ANKRD36: variants seen among roughly 807,000 people sequenced by gnomAD.
ANKRD36 encodes ankyrin repeat domain 36.
A neutral mutation model predicts 278.1 loss-of-function variants in ANKRD36; 179 were observed. The ratio of observed to expected loss-of-function variants is 0.64; its 90% CI spans 0.57 to 0.73. The LOEUF is 0.73. Ranked by LOEUF, ANKRD36 falls within the 30% of genes least tolerant of loss-of-function variation. ANKRD36 has a pLI of 0.00. For missense variants in ANKRD36, 1,159 were observed against 1,956.7 expected (o/e 0.59, Z 7.69); for synonymous variants, 320 against 641.1 (o/e 0.50, Z 7.57).
chr2:97,191,282 A>G, intron 36 of ANKRD36, 101 bp downstream of exon 36: 11 of 1,281,620 alleles, frequency 8.6e-6, no homozygotes, highest in South Asian at 4.5e-5. Flanking sequence ...GCTGCACATT[A>G]TCATTCAGCT....
chr2:97,158,055 A>G (rs1379015356), intron 15 of ANKRD36, 52 bp from the exon 16 acceptor site: 1 of 1,341,844 alleles, frequency 7.5e-7, no homozygotes, highest in African/African-American at 1.5e-5. Context: ...GGTGGCAATT[A>G]TCATTATTTT....
rs2055614165 is a variant in ANKRD36 at position 97,179,859 on chromosome 2, A to G, written c.1663-2A>G. On this transcript the variant is annotated splice_acceptor_variant, in intron 23 of 75. Transcript: ENST00000420699. LOFTEE classifies it high-confidence loss of function. Reference sequence around the variant, plus strand: ...GATTATTTTGCTTCAAATCCCATTCAGGCTACAAGTGACGACAAAGATTCT... The same window carrying G: ...GATTATTTTGCTTCAAATCCCATTCGGGCTACAAGTGACGACAAAGATTCT... The G allele has an allele frequency of 3.1e-6, 5 of 1,604,656 alleles. No individual in the cohort carries two copies. Among genetic ancestry groups the G allele is most frequent in the South Asian group, 2.2e-5 (2 of 90,852 alleles).
rs2043821592 is a variant in ANKRD36, at chr2:97,144,753, A to G, written c.1003+41A>G. 2.0e-6 allele frequency: 3 copies of G among 1,537,278 alleles called. No homozygotes were observed. In the African/African-American group the frequency reaches 4.1e-5, roughly 21 times the overall value. The stretch of plus-strand genomic sequence containing the variant: ...ACATTTAATGCCATGTACAGTCAAG[A>G]TAGAGAACTTCCCTTCCCCAAATAA... On this transcript the variant is annotated intron_variant, in intron 10 of 75. Coordinates refer to ENST00000420699, the MANE Select transcript of ANKRD36 (RefSeq NM_001354587.1).
chr2:97,182,183 A>G (rs1297978555), intron 26 of ANKRD36, among the ~76,000 whole-genome samples: 1 of 151,318 alleles, frequency 6.6e-6, no homozygotes, highest in Non-Finnish European at 1.5e-5. Context: ...ACCCATAAAC[A>G]CTGTAGAACG....
intron 6 of ANKRD36, among the ~76,000 whole-genome samples, chr2:97,133,238 G>A (rs1193689128): frequency 3.3e-5 from 5 of 151,612 alleles, no homozygotes; most frequent in South Asian, 2.1e-4. Flanking sequence ...ATTTGATAGT[G>A]AATAACATGG....
At chr2:97,156,827 AG>A (rs2047584311) in intron 15 of ANKRD36, among the ~76,000 whole-genome samples, 4 of 137,546 alleles carry the variant, frequency 2.9e-5, no homozygotes, top group Non-Finnish European at 6.7e-5. Context: ...ACTAGTTTAC[AG>A]TCCCACCAAC....
At chr2:97,144,010 C>A (rs1298551378) in intron 8 of ANKRD36, among the ~76,000 whole-genome samples, 1 of 152,084 alleles carries the variant, frequency 6.6e-6, no homozygotes, top group African/African-American at 2.4e-5. Flanking sequence ...AACACTTCCA[C>A]AGAGCACTTG....
chr2:97,116,315 G>A (rs1489520176), intron 1 of ANKRD36, among the ~76,000 whole-genome samples: 1 of 151,976 alleles, frequency 6.6e-6, no homozygotes, highest in Non-Finnish European at 1.5e-5. Flanking sequence ...TCACCCTGTT[G>A]CCCAGCCTGG....
chr2:97,202,260 G>C, intron 47 of ANKRD36, 30 bp downstream of exon 47: 2 of 1,598,124 alleles, frequency 1.3e-6, no homozygotes, highest in Non-Finnish European at 1.7e-6. Context: ...TCTTGTGAAC[G>C]AGTTAATGTA....
chr2:97,197,134 C>A (rs146390062), intron 42 of ANKRD36, among the ~76,000 whole-genome samples: 7 of 151,828 alleles, frequency 4.6e-5, no homozygotes, highest in East Asian at 1.9e-4. Flanking sequence ...TTTTACAGAC[C>A]TCACATCATA....
At chr2:97,146,747 C>T (rs2044361935) in intron 11 of ANKRD36, among the ~76,000 whole-genome samples, 1 of 151,720 alleles carries the variant, frequency 6.6e-6, no homozygotes, top group Non-Finnish European at 1.5e-5. Context: ...CATGATTCCA[C>T]AGTTAACAGG....
At chr2:97,205,468 A>G (rs1392594922) in intron 50 of ANKRD36, among the ~76,000 whole-genome samples, 3 of 151,402 alleles carry the variant, frequency 2.0e-5, no homozygotes, top group Non-Finnish European at 3.0e-5. Flanking sequence ...CAACTGAAGC[A>G]TCATCGCAGT....
chr2:97,222,700 G>A (rs1034726090), intron 66 of ANKRD36, among the ~76,000 whole-genome samples: 8 of 152,098 alleles, frequency 5.3e-5, no homozygotes, highest in Non-Finnish European at 1.2e-4. Context: ...CACAAATTTA[G>A]GAAATAGAAA....
intron 11 of ANKRD36, 90 bp downstream of exon 11, chr2:97,146,606 C>G (rs959773631): frequency 1.8e-5 from 21 of 1,195,156 alleles, no homozygotes; most frequent in Non-Finnish European, 2.1e-5. Flanking sequence ...CTCCTCTGTG[C>G]TAGACACCAT....
chr2:97,148,327 ACT>A, intron 11 of ANKRD36, among the ~76,000 whole-genome samples: 1 of 152,312 alleles, frequency 6.6e-6, no homozygotes, highest in Non-Finnish European at 1.5e-5. Context: ...GAGAGCTCCT[ACT>A]CTCAATTATG....
At chr2:97,198,298 C>T (rs2060365800) in intron 42 of ANKRD36, among the ~76,000 whole-genome samples, 165 bp from the exon 43 acceptor site, 1 of 151,942 alleles carries the variant, frequency 6.6e-6, no homozygotes, top group Non-Finnish European at 1.5e-5. Flanking sequence ...TCCCTTTTCT[C>T]AGCGTATTTC....
At chr2:97,207,713 A>G in intron 52 of ANKRD36, 98 bp from the exon 53 acceptor site, 1 of 1,521,014 alleles carries the variant, frequency 6.6e-7, no homozygotes, top group Non-Finnish European at 8.9e-7. Flanking sequence ...ACGCTAATAC[A>G]GGCAGGAGGA....
intron 14 of ANKRD36, 50 bp from the exon 15 acceptor site, chr2:97,154,620 GTTTTC>G (rs1281937832): frequency 2.1e-6 from 3 of 1,402,464 alleles, no homozygotes; most frequent in Admixed American, 4.1e-5. Context: ...GACGGTTTTT[GTTTTC>G]TTTTAAGAAA....
chr2:97,168,290 A>T (rs2051347897), intron 22 of ANKRD36, among the ~76,000 whole-genome samples: 1 of 152,262 alleles, frequency 6.6e-6, no homozygotes. Flanking sequence ...GGTGTGTGTG[A>T]TACCTCTGAT....
Sources: gnomAD v4.1 joint callset for allele counts (sites outside exome capture counted in the v4.1 genomes callset) on GRCh38, gnomAD v4.1.1 for gene constraint, MANE v1.5 for transcripts, NCBI Gene and HGNC (gene_info 2026-07-23, HGNC 2026-07-21) for gene names.